Variants in DYNC1I2 observed in about 807,000 individuals in gnomAD.
DYNC1I2 encodes the protein dynein cytoplasmic 1 intermediate chain 2.
Under a neutral mutation model 88.6 loss-of-function variants are expected in DYNC1I2, and 53 were observed. The ratio of observed to expected loss-of-function variants is 0.60; its 90% CI spans 0.48 to 0.75. The LOEUF (loss-of-function observed/expected upper bound fraction) is 0.75. Ranked by LOEUF, DYNC1I2 falls within the 30% of genes least tolerant of loss-of-function variation. The pLI is 0.00. For synonymous variants in DYNC1I2, 198 were observed against 254.6 expected (o/e 0.78, Z 2.12); for missense variants, 458 against 766.6 (o/e 0.60, Z 4.75).
At chr2:171,703,902 G>C (rs974135280) in intron 3 of DYNC1I2, among the ~76,000 whole-genome samples, 1 of 152,150 alleles carries the variant, frequency 6.6e-6, no homozygotes, top group Non-Finnish European at 1.5e-5. Flanking sequence ...CATCCCAAAA[G>C]CTCACTCCTT....
chr2:171,700,542 G>A (rs1686170695), intron 3 of DYNC1I2, among the ~76,000 whole-genome samples: 1 of 152,122 alleles, frequency 6.6e-6, no homozygotes, highest in Non-Finnish European at 1.5e-5. Flanking sequence ...GTCTTAGATG[G>A]GTCACTAAAC....
At chr2:171,723,591 A>G (rs935615468) in intron 7 of DYNC1I2, among the ~76,000 whole-genome samples, 3 of 152,288 alleles carry the variant, frequency 2.0e-5, no homozygotes, top group Admixed American at 2.0e-4. Context: ...TCAGATTAAT[A>G]ATTCGTTGTA....
At chr2:171,728,183 C>T in intron 12 of DYNC1I2, 122 bp from the exon 13 acceptor site, 1 of 718,366 alleles carries the variant, frequency 1.4e-6, no homozygotes, top group Non-Finnish European at 2.2e-6. Flanking sequence ...TAGCAAACTT[C>T]ACATTAAGAA....
At chr2:171,728,668 T>C in intron 13 of DYNC1I2, 49 bp from the exon 14 acceptor site, 2 of 1,457,880 alleles carry the variant, frequency 1.4e-6, no homozygotes, top group South Asian at 2.9e-5. Flanking sequence ...TCTACAGAAA[T>C]TTAAAATTGC....
chr2:171,728,936 T>A (rs1688423182), intron 14 of DYNC1I2, 86 bp downstream of exon 14: 21 of 1,376,286 alleles, frequency 1.5e-5, no homozygotes, highest in Non-Finnish European at 2.0e-5. Context: ...TAGAAATCTG[T>A]CGTAGATCTA....
At chr2:171,746,798 T>C (rs1689813600) in intron 17 of DYNC1I2, among the ~76,000 whole-genome samples, 1 of 152,134 alleles carries the variant, frequency 6.6e-6, no homozygotes, top group Non-Finnish European at 1.5e-5. Flanking sequence ...CTGGATAGTG[T>C]AGATTTATAA....
At chr2:171,726,595 C>T in intron 10 of DYNC1I2, 196 bp from the exon 11 acceptor site, 2 of 619,258 alleles carry the variant, frequency 3.2e-6, no homozygotes, top group South Asian at 3.1e-5. Flanking sequence ...AACATTAAAA[C>T]ATTTAAAATA....
At chr2:171,707,742 A>T (rs1437474153) in intron 5 of DYNC1I2, among the ~76,000 whole-genome samples, 3 of 152,116 alleles carry the variant, frequency 2.0e-5, no homozygotes, top group Non-Finnish European at 4.4e-5. Context: ...CTTGTGCTTG[A>T]TTCCCCATTC....
chr2:171,740,723 CTTCT>C (rs369371534), intron 15 of DYNC1I2, among the ~76,000 whole-genome samples: 3 of 151,868 alleles, frequency 2.0e-5, no homozygotes, highest in Non-Finnish European at 2.9e-5. Flanking sequence ...TTTTGCTGAT[CTTCT>C]TTATCACTTT....
intron 17 of DYNC1I2, 96 bp downstream of exon 17, chr2:171,746,023 G>A: frequency 7.3e-7 from 1 of 1,375,178 alleles, no homozygotes; most frequent in Non-Finnish European, 1.0e-6. Context: ...AGGTTTATGA[G>A]TTGTTTAAAC....
In DYNC1I2 at chr2:171,728,368, A is replaced by C; in HGVS notation, c.1207A>C (p.Thr403Pro). ...TGCTCACAATCTGATTAGCATCTCT[A>C]CTGATGGAAAAATTTGTTCATGGAG... ...QNAHNLISISTDGKICSWSLD... is the reference protein window; with the variant it reads ...QNAHNLISISPDGKICSWSLD... Residue 403 changes from threonine (T) to proline (P), a missense_variant, in exon 13 of 18, where the codon ACT becomes CCT. This residue lies in a region of DYNC1I2 where 188 missense variants were observed against 300.4 expected (regional missense o/e 0.63). Transcript: ENST00000397119. The C allele has an allele frequency of 6.2e-7, 1 of 1,607,776 alleles. No individual in the cohort carries two copies. Among genetic ancestry groups the C allele is most frequent in the Non-Finnish European group, 8.5e-7 (1 of 1,177,690 alleles).
intron 5 of DYNC1I2, among the ~76,000 whole-genome samples, chr2:171,711,510 C>G (rs1687125892): frequency 6.6e-6 from 1 of 152,168 alleles, no homozygotes; most frequent in Non-Finnish European, 1.5e-5. Context: ...GATAACAGAG[C>G]TCTTACATAA....
At chr2:171,700,152 G>T (rs1198215994) in intron 3 of DYNC1I2, among the ~76,000 whole-genome samples, 1 of 152,102 alleles carries the variant, frequency 6.6e-6, no homozygotes, top group Non-Finnish European at 1.5e-5. Flanking sequence ...ATGGTGGTTC[G>T]TTCACATGGC....
chr2:171,705,190 A>C (rs1483967825), intron 3 of DYNC1I2, among the ~76,000 whole-genome samples: 1 of 152,130 alleles, frequency 6.6e-6, no homozygotes, highest in East Asian at 1.9e-4. Context: ...ACTGGCTGTT[A>C]ATGTATCTGT....
chr2:171,743,079 A>G (rs1689553689), intron 15 of DYNC1I2, among the ~76,000 whole-genome samples: 1 of 152,204 alleles, frequency 6.6e-6, no homozygotes, highest in African/African-American at 2.4e-5. Flanking sequence ...ATAGCCTACT[A>G]CTGACCAGAA....
chr2:171,735,797 A>T (rs529483634), intron 15 of DYNC1I2, among the ~76,000 whole-genome samples: 8 of 152,348 alleles, frequency 5.3e-5, no homozygotes, highest in African/African-American at 1.9e-4. Context: ...TAGATTCACT[A>T]AATGTTCTAC....
At chr2:171,717,958 T>C (rs1000957476) in intron 7 of DYNC1I2, among the ~76,000 whole-genome samples, 2 of 150,912 alleles carry the variant, frequency 1.3e-5, no homozygotes, top group African/African-American at 2.4e-5. Context: ...GTGAAGACTT[T>C]CTTTTTTTTT....
At chr2:171,707,035 T>A in intron 4 of DYNC1I2, 1 of 583,748 alleles carries the variant, frequency 1.7e-6, no homozygotes, top group Non-Finnish European at 3.0e-6. Context: ...TAATCTTGCC[T>A]TTTTAAAAAA....
chr2:171,715,481 C>A, intron 7 of DYNC1I2, 38 bp downstream of exon 7: 1 of 1,307,250 alleles, frequency 7.6e-7, no homozygotes, highest in South Asian at 1.4e-5. Context: ...CATTGAGCAC[C>A]TATGTTAAAT....
Sources: gnomAD v4.1 joint callset for allele counts (sites outside exome capture counted in the v4.1 genomes callset) on GRCh38, gnomAD v4.1.1 for gene constraint, gnomAD v4.1.1 regional missense constraint, MANE v1.5 for transcripts, NCBI Gene and HGNC (gene_info 2026-07-23, HGNC 2026-07-21) for gene names.